The following FRMD5 variants were observed in gnomAD, a reference collection of about 807,000 sequenced individuals.
FRMD5 encodes the protein FERM domain containing 5, also known as FERM domain-containing protein 5.
Under a neutral mutation model 69.0 loss-of-function variants are expected in FRMD5, and 20 were observed. The ratio of observed to expected loss-of-function variants is 0.29; its 90% CI spans 0.20 to 0.42. The LOEUF is 0.42. FRMD5 is among the 10% of genes least tolerant of loss of function. The pLI is 1.00. For synonymous variants in FRMD5, 271 were observed against 260.1 expected (o/e 1.04, Z -0.40); for missense variants, 595 against 708.6 (o/e 0.84, Z 1.82).
At chr15:43,882,669 T>G (rs1173549422) in intron 13 of FRMD5, among the ~76,000 whole-genome samples, 3 of 150,966 alleles carry the variant, frequency 2.0e-5, no homozygotes, top group African/African-American at 7.3e-5. Flanking sequence ...CGGGACAGAT[T>G]TCTATAGCTG....
intron 1 of FRMD5, among the ~76,000 whole-genome samples, chr15:44,172,272 C>CTTTT (rs769999651): frequency 7.3e-6 from 1 of 137,462 alleles, no homozygotes; most frequent in Non-Finnish European, 1.6e-5. Context: ...TTCTCTTTTT[C>CTTTT]TTTTTTTTTT....
At chr15:44,148,577 T>A (rs1366559185) in intron 1 of FRMD5, among the ~76,000 whole-genome samples, 1 of 152,102 alleles carries the variant, frequency 6.6e-6, no homozygotes, top group Non-Finnish European at 1.5e-5. Flanking sequence ...AACCTACATT[T>A]TTTTTTAACA....
intron 1 of FRMD5, among the ~76,000 whole-genome samples, chr15:43,995,450 G>A (rs1889875920): frequency 6.6e-6 from 1 of 152,042 alleles, no homozygotes; most frequent in African/African-American, 2.4e-5. Flanking sequence ...GGGCAGGCTG[G>A]GTCCTAGGTC....
chr15:43,871,881 G>A lies in FRMD5; in HGVS notation c.*2004C>T, dbSNP rs1355543068. 6.6e-6 allele frequency: 1 copy of A among 152,134 alleles called. No homozygotes were observed. The highest frequency in any genetic ancestry group is 6.5e-5 in the Admixed American group (1 of 15,272). 9.4% of individuals were successfully genotyped at this position (152,134 alleles called of 1,614,324 possible). On this transcript the variant is annotated 3_prime_UTR_variant, in exon 14 of 14. Coordinates refer to ENST00000417257, the MANE Select transcript of FRMD5 (RefSeq NM_032892.5). Reference sequence around the variant, plus strand: ...ACCCTAGTGCCTCCACTGGGAAGAGGTCCCAGATCTTTGATACATGTCAGG... The same window carrying A: ...ACCCTAGTGCCTCCACTGGGAAGAGATCCCAGATCTTTGATACATGTCAGG...
chr15:44,066,161 A>T (rs576938781), intron 1 of FRMD5, among the ~76,000 whole-genome samples: 2 of 152,294 alleles, frequency 1.3e-5, no homozygotes, highest in Admixed American at 6.5e-5. Context: ...ATTTTTCTCC[A>T]CAGATGTAGG....
At chr15:44,000,939 C>A (rs11638352) in intron 1 of FRMD5, among the ~76,000 whole-genome samples, 136,939 of 152,198 alleles carry the variant, frequency 0.9, 62,201 homozygotes, top group East Asian at 1. Flanking sequence ...TCAGCCACCC[C>A]AGTAGCTGGA....
chr15:43,946,668 G>A (rs1036062267), intron 1 of FRMD5, among the ~76,000 whole-genome samples: 2 of 152,128 alleles, frequency 1.3e-5, no homozygotes, highest in Admixed American at 6.5e-5. Flanking sequence ...TTGGGATCTG[G>A]GTCGTTGAGG....
chr15:43,909,729 C>G (rs772646657), intron 5 of FRMD5, among the ~76,000 whole-genome samples, 153 bp downstream of exon 5: 17 of 152,152 alleles, frequency 1.1e-4, no homozygotes, highest in Non-Finnish European at 2.2e-4. Flanking sequence ...ATCTGCCCAC[C>G]TCGGCCTCCC....
intron 1 of FRMD5, among the ~76,000 whole-genome samples, chr15:44,002,958 G>A (rs1301758454): frequency 1.3e-5 from 2 of 151,952 alleles, no homozygotes; most frequent in Non-Finnish European, 2.9e-5. Context: ...CTTTACTTAT[G>A]TGCTCAGTCC....
chr15:44,038,736 C>T (rs995064191), intron 1 of FRMD5, among the ~76,000 whole-genome samples: 5 of 151,852 alleles, frequency 3.3e-5, no homozygotes, highest in Admixed American at 2.6e-4. Flanking sequence ...TTGCCTCACC[C>T]GGGAAGCACG....
chr15:44,134,153 C>G (rs1321049227), intron 1 of FRMD5, among the ~76,000 whole-genome samples: 1 of 146,104 alleles, frequency 6.8e-6, no homozygotes. Context: ...GGGTCTCACT[C>G]TGTTGCCCAG....
chr15:44,113,946 A>C (rs1416320235), intron 1 of FRMD5, among the ~76,000 whole-genome samples: 1 of 152,222 alleles, frequency 6.6e-6, no homozygotes, highest in Non-Finnish European at 1.5e-5. Context: ...AACAAAGTAT[A>C]CTCAGAATTT....
chr15:43,932,888 C>A (rs2140468978), intron 1 of FRMD5, among the ~76,000 whole-genome samples: 1 of 152,348 alleles, frequency 6.6e-6, no homozygotes, highest in Middle Eastern at 3.4e-3. Flanking sequence ...GGCATCCTAT[C>A]CCAGGACCAG....
chr15:43,920,901 G>C (rs2089482245), intron 2 of FRMD5, among the ~76,000 whole-genome samples: 1 of 152,216 alleles, frequency 6.6e-6, no homozygotes, highest in Non-Finnish European at 1.5e-5. Context: ...CAGCATCCTG[G>C]CCTCCCTTGA....
chr15:44,188,333 C>T (rs866464689), intron 1 of FRMD5, among the ~76,000 whole-genome samples: 67 of 152,152 alleles, frequency 4.4e-4, no homozygotes, highest in African/African-American at 1.6e-3. Context: ...TCTATTAAGA[C>T]AATTCAGGAA....
chr15:44,118,528 G>A (rs913110156), intron 1 of FRMD5, among the ~76,000 whole-genome samples: 2 of 151,926 alleles, frequency 1.3e-5, no homozygotes, highest in African/African-American at 4.8e-5. Context: ...TCACTTTCTT[G>A]GCCCCTATAC....
rs1892702119 is a variant in FRMD5 at position 44,052,299 on chromosome 15, T to C, written c.103-127990A>G. Among the ~76,000 whole-genome samples the C allele has an allele frequency of 1.3e-5, 2 of 152,212 alleles. 1 individual carries two copies. Among genetic ancestry groups the C allele is most frequent in the Non-Finnish European group, 2.9e-5 (2 of 68,036 alleles). On this transcript the variant is annotated intron_variant, in intron 1 of 13. Transcript: ENST00000417257. ...CATTGACCATTGGGAGCTCTTTCAG[T>C]TGGATCCTGTGTCCCTTTAACATAC...
At chr15:44,034,590 G>C (rs530680763) in intron 1 of FRMD5, among the ~76,000 whole-genome samples, 1 of 152,178 alleles carries the variant, frequency 6.6e-6, no homozygotes, top group Non-Finnish European at 1.5e-5. Flanking sequence ...GGAGTTAATG[G>C]GGTTATGTGC....
intron 13 of FRMD5, among the ~76,000 whole-genome samples, chr15:43,877,497 T>C (rs2088396484): frequency 1.3e-5 from 2 of 152,238 alleles, no homozygotes; most frequent in South Asian, 4.1e-4. Flanking sequence ...GGAGCCTGTC[T>C]TGGCACAGGC....
Sources: allele counts gnomAD v4.1 joint callset (sites outside exome capture counted in the v4.1 genomes callset), GRCh38; gene constraint gnomAD v4.1.1; transcripts MANE v1.5; gene names NCBI Gene and HGNC (gene_info 2026-07-23, HGNC 2026-07-21).